Variants in EFCAB8 observed in about 807,000 individuals in gnomAD.
The protein encoded by EFCAB8 is EF-hand calcium-binding domain-containing protein 8.
EFCAB8 carries 100 observed loss-of-function variants against 116.3 expected under a neutral mutation model. The ratio of observed to expected loss-of-function variants is 0.86; its 90% CI spans 0.73 to 1.02. EFCAB8 has a LOEUF of 1.02. Ranked by LOEUF, EFCAB8 falls within the 50% of genes least tolerant of loss-of-function variation. The pLI is 0.00. For synonymous variants in EFCAB8, 558 were observed against 567.9 expected (o/e 0.98, Z 0.25); for missense variants, 1,320 against 1,416.9 (o/e 0.93, Z 1.10).
rs756402645 is a variant in EFCAB8 at position 32,931,259 on chromosome 20, CACA to C, written c.2718_2720del (p.Asn906del). The C allele has an allele frequency of 3.7e-5, 57 of 1,551,614 alleles. No individual in the cohort carries two copies. Among genetic ancestry groups the C allele is most frequent in the Non-Finnish European group, 4.4e-5 (51 of 1,146,938 alleles). ...TGGGGCCAAGGTTGTCTCTGAAGCA[CACA>C]ACAAGTTCCGGTTGTTAATTCCTCA... On this transcript the variant is annotated inframe_deletion, in exon 22 of 27. Coordinates refer to ENST00000400522, the MANE Select transcript of EFCAB8 (RefSeq NM_001143967.2).
At chr20:32,914,302 C>T (rs1266137252) in intron 17 of EFCAB8, among the ~76,000 whole-genome samples, 1 of 152,152 alleles carries the variant, frequency 6.6e-6, no homozygotes, top group African/African-American at 2.4e-5. Flanking sequence ...ATTCTGCCCC[C>T]AGAGCCCTTG....
intron 22 of EFCAB8, among the ~76,000 whole-genome samples, chr20:32,940,351 T>C (rs1988367617): frequency 6.7e-6 from 1 of 149,610 alleles, no homozygotes; most frequent in African/African-American, 2.5e-5. Flanking sequence ...AAACATGTCC[T>C]GCTGGGACAA....
chr20:32,905,265 T>A (rs1339634298), intron 11 of EFCAB8, among the ~76,000 whole-genome samples: 1 of 152,104 alleles, frequency 6.6e-6, no homozygotes, highest in Non-Finnish European at 1.5e-5. Context: ...AAAAGGCAGA[T>A]GAACAAGAGA....
chr20:32,895,575 C>CTTTTT (rs35301817), intron 9 of EFCAB8, among the ~76,000 whole-genome samples: 6 of 125,138 alleles, frequency 4.8e-5, no homozygotes, highest in South Asian at 2.6e-4. Flanking sequence ...TTCTTTCTTT[C>CTTTTT]TTTTTTTTTT....
At chr20:32,914,262 A>G (rs912329679) in intron 17 of EFCAB8, among the ~76,000 whole-genome samples, 6 of 152,308 alleles carry the variant, frequency 3.9e-5, no homozygotes, top group African/African-American at 1.4e-4. Flanking sequence ...CTGTGGTCCC[A>G]TGGGCACTGG....
intron 6 of EFCAB8, 112 bp downstream of exon 6, chr20:32,885,752 C>T (rs1985591702): frequency 1.5e-6 from 2 of 1,363,858 alleles, no homozygotes; most frequent in East Asian, 2.5e-5. Flanking sequence ...TCTAAGCAGC[C>T]TGGACTTGCA....
intron 20 of EFCAB8, among the ~76,000 whole-genome samples, chr20:32,926,558 GT>G (rs1217145208): frequency 7.0e-6 from 1 of 143,836 alleles, no homozygotes; most frequent in Non-Finnish European, 1.5e-5. Context: ...TGTGCACAAT[GT>G]GCAGGTTAGT....
chr20:32,893,767 C>T (rs11699965), intron 9 of EFCAB8, among the ~76,000 whole-genome samples: 5,105 of 152,246 alleles, frequency 0.034, 128 homozygotes, highest in Non-Finnish European at 0.051. Flanking sequence ...CATGGCCTGG[C>T]TGGCATGGGT....
chr20:32,925,074 G>T (rs1477180657), intron 20 of EFCAB8, among the ~76,000 whole-genome samples: 3 of 152,084 alleles, frequency 2.0e-5, no homozygotes, highest in African/African-American at 4.8e-5. Flanking sequence ...AGTGGGTGGG[G>T]GTCTTACCTG....
chr20:32,892,866 A>G (rs1209723370), intron 8 of EFCAB8, among the ~76,000 whole-genome samples: 14 of 146,066 alleles, frequency 9.6e-5, no homozygotes, highest in Non-Finnish European at 3.0e-5. Context: ...TATGACTCAG[A>G]GTCTCACTCT....
chr20:32,939,756 G>A (rs1421074369), intron 22 of EFCAB8, among the ~76,000 whole-genome samples: 1 of 141,116 alleles, frequency 7.1e-6, no homozygotes, highest in African/African-American at 2.7e-5. Context: ...GTGCAGTGGC[G>A]CCACCTCGGT....
chr20:32,893,253 A>T lies in EFCAB8; in HGVS notation c.838A>T (p.Ser280Cys), dbSNP rs931673980. 1.0e-5 allele frequency: 16 copies of T among 1,551,886 alleles called. No homozygotes were observed. Among genetic ancestry groups the T allele is most frequent in the Admixed American group, 2.0e-5 (1 of 50,988 alleles). ...TGTCTTCACCTCCGAAAACATGACC[A>T]GTGGGCTGTTCAACCCCCGTATCCT... The part of the protein sequence containing the change: ...VIVFTSENMT[S>C]GLFNPRILPR... The change falls in exon 9 of 27, where the codon AGT (serine) becomes TGT (cysteine). Residue 280 changes from serine (S) to cysteine (C), a missense_variant. By Grantham distance (112) the Ser-to-Cys change is moderately radical (BLOSUM62 -1). Transcript: ENST00000400522.
chr20:32,896,811 T>C (rs957562087), intron 10 of EFCAB8, among the ~76,000 whole-genome samples: 1 of 152,176 alleles, frequency 6.6e-6, no homozygotes. Context: ...GGTTCCCCAC[T>C]TCCTTTCTTC....
chr20:32,912,717 C>T (rs1461617043), intron 16 of EFCAB8, 77 bp from the exon 17 acceptor site: 1 of 711,388 alleles, frequency 1.4e-6, no homozygotes, highest in Non-Finnish European at 2.6e-6. Flanking sequence ...TGCTTGGCAC[C>T]TTTAGGAAGA....
chr20:32,908,907 C>T (rs1986799714), intron 14 of EFCAB8, among the ~76,000 whole-genome samples: 1 of 152,210 alleles, frequency 6.6e-6, no homozygotes, highest in Non-Finnish European at 1.5e-5. Context: ...TGACTCAGGA[C>T]TCAGCTGGAA....
intron 26 of EFCAB8, 67 bp downstream of exon 26, chr20:32,960,228 C>A: frequency 1.4e-6 from 2 of 1,419,458 alleles, no homozygotes; most frequent in Non-Finnish European, 1.9e-6. Flanking sequence ...TGTCCACCAG[C>A]AGCCACCCTT....
chr20:32,867,751 AGG>A lies in EFCAB8; in HGVS notation c.208+5_208+6del. 6.4e-7 allele frequency: 1 copy of A among 1,550,860 alleles called. No homozygotes were observed. Among genetic ancestry groups the A allele is most frequent in the Non-Finnish European group, 8.7e-7 (1 of 1,146,716 alleles). On this transcript the variant is annotated splice_donor_5th_base_variant and intron_variant, in intron 3 of 26. Transcript: ENST00000400522. Reference sequence around the variant, plus strand: ...GAGGACATCAACTCGACTGGAGGTAAGGCCGCTCTGTAGGCTCGGTTTTTGTG... The same window carrying A: ...GAGGACATCAACTCGACTGGAGGTAACCGCTCTGTAGGCTCGGTTTTTGTG...
At chr20:32,863,694 T>C in intron 1 of EFCAB8, 89 bp from the exon 2 acceptor site, 1 of 1,363,442 alleles carries the variant, frequency 7.3e-7, no homozygotes, top group South Asian at 1.4e-5. Flanking sequence ...CTTGACTTCT[T>C]TTCCACCTTT....
chr20:32,878,481 G>A (rs1985110449), intron 4 of EFCAB8, among the ~76,000 whole-genome samples: 1 of 152,000 alleles, frequency 6.6e-6, no homozygotes, highest in Non-Finnish European at 1.5e-5. Context: ...GGGTGGTGAG[G>A]GGGACCCTGG....
Sources: allele counts gnomAD v4.1 joint callset (sites outside exome capture counted in the v4.1 genomes callset), GRCh38; gene constraint gnomAD v4.1.1; transcripts MANE v1.5; gene names NCBI Gene and HGNC (gene_info 2026-07-23, HGNC 2026-07-21).